The following URGCP variants were observed in gnomAD, a reference collection of about 807,000 sequenced individuals.
URGCP encodes up-regulator of cell proliferation.
In URGCP, 13 loss-of-function variants were observed where a neutral mutation model predicts 24.6. The ratio of observed to expected loss-of-function variants is 0.53; its 90% CI spans 0.34 to 0.84. The LOEUF (loss-of-function observed/expected upper bound fraction) is 0.84, where lower values mean the gene tolerates loss of function less well. Ranked by LOEUF, URGCP falls within the 40% of genes least tolerant of loss-of-function variation. The probability of loss-of-function intolerance (pLI) is 0.01; values close to 1 mark genes in which losing one functional copy is unlikely to be tolerated. For missense variants in URGCP, 899 were observed against 1,194.3 expected (o/e 0.75, Z 3.64); for synonymous variants, 444 against 487.2 (o/e 0.91, Z 1.17).
At chr7:43,915,385 C>T (rs1277378133) in intron 1 of URGCP, among the ~76,000 whole-genome samples, 1 of 152,224 alleles carries the variant, frequency 6.6e-6, no homozygotes, top group Admixed American at 6.5e-5. Flanking sequence ...ACTGCACCCC[C>T]TCACCCCATT....
chr7:43,888,097 G>A (rs1721857530), intron 1 of URGCP: 1 of 361,836 alleles, frequency 2.8e-6, no homozygotes, highest in Admixed American at 4.4e-5. Context: ...TTATCTATAG[G>A]TATATATACA....
Position 43,878,370 on chromosome 7 carries a change from T to A in URGCP, c.1093A>T (p.Ile365Phe). ...AGCAATTTGTATTCCTTCTTACTGA[T>A]ATTGTCAGTCAATATAAACACAGCG... ...SSAVFILTDN[I>F]SKKEYKLLYS... The change falls in exon 6 of 6, where the codon ATC becomes TTC. Residue 365 changes from isoleucine to phenylalanine, a missense_variant. Physicochemically the swap from Ile to Phe is conservative, Grantham distance 21 (BLOSUM62 0). Transcript: ENST00000453200. The surrounding 1 kb of genome is among the most constrained non-coding windows in gnomAD (Gnocchi z 5.6). 1 of 1,614,230 alleles carries A rather than the reference T, an allele frequency of 6.2e-7. No homozygotes were observed. The highest frequency in any genetic ancestry group is 1.7e-5 in the Admixed American group (1 of 60,032).
In URGCP at chr7:43,877,712, T is replaced by C. The variant is rs748860010; in HGVS notation, c.1751A>G (p.Gln584Arg). The change falls in exon 6 of 6, where the codon CAG (glutamine) becomes CGG (arginine). Residue 584 changes from glutamine to arginine, a missense_variant. Coordinates refer to ENST00000453200, the MANE Select transcript of URGCP (RefSeq NM_001077663.3). ...CAGGGTGAGAAGCGTCTCCGGAGGC[T>C]GTCTCAGTCGCGGCTGGGCCACCCG... is the stretch of plus-strand genomic sequence containing the variant. ...LARVAQPRLRQPPETLLTLRP... is the reference protein window; with the variant it reads ...LARVAQPRLRRPPETLLTLRP... 3.1e-6 allele frequency: 5 copies of C among 1,612,838 alleles called. No individual in the cohort carries two copies. Among genetic ancestry groups the C allele is most frequent in the Non-Finnish European group, 4.2e-6 (5 of 1,179,650 alleles).
chr7:43,925,765 G>T (rs529906480), intron 1 of URGCP, among the ~76,000 whole-genome samples: 1 of 147,598 alleles, frequency 6.8e-6, no homozygotes. Context: ...CTCCCAAAGT[G>T]CTGGGATTAT....
intron 1 of URGCP, among the ~76,000 whole-genome samples, chr7:43,896,046 C>A (rs1392362450): frequency 1.3e-5 from 2 of 152,044 alleles, no homozygotes; most frequent in East Asian, 3.9e-4. Context: ...CACAGATGAG[C>A]CTGGAGAACC....
chr7:43,922,096 G>A (rs560444017), intron 1 of URGCP, among the ~76,000 whole-genome samples: 8 of 152,034 alleles, frequency 5.3e-5, no homozygotes, highest in African/African-American at 1.7e-4. Context: ...AGTGGGTCTC[G>A]CACTGTCACC....
intron 1 of URGCP, among the ~76,000 whole-genome samples, chr7:43,913,614 A>C (rs1206087648): frequency 1.3e-5 from 2 of 152,174 alleles, no homozygotes; most frequent in East Asian, 3.8e-4. Context: ...ATCTTATTAA[A>C]GAGCCCTTAA....
In URGCP at chr7:43,887,425, C is replaced by T. The variant is rs907982067; in HGVS notation, c.102G>A (p.Val34=). The part of the protein sequence containing the change: ...EIKASERRTA[V]AIADLEWREM... ...TTCATCCAACTTTACCTGCAATGGC[C>T]ACAGCTGTTCGTCTCTCTGATGCTT... The change falls in exon 3 of 6, where the codon GTG becomes GTA. Residue 34 remains valine (V), a synonymous_variant. Coordinates refer to ENST00000453200, the MANE Select transcript of URGCP (RefSeq NM_001077663.3). The T allele has an allele frequency of 8.1e-6, 13 of 1,613,862 alleles. No homozygotes were observed. The highest frequency in any genetic ancestry group is 1.6e-4 in the Middle Eastern group (1 of 6,062).
intron 1 of URGCP, among the ~76,000 whole-genome samples, chr7:43,898,774 TAAA>T (rs2095883627): frequency 7.7e-6 from 1 of 129,904 alleles, no homozygotes; most frequent in Admixed American, 8.0e-5. Flanking sequence ...AATAAATAAA[TAAA>T]TAAATAAATA....
chr7:43,879,486 A>G (rs912497921), intron 5 of URGCP, among the ~76,000 whole-genome samples: 2 of 152,244 alleles, frequency 1.3e-5, no homozygotes. Flanking sequence ...AACCACAGAT[A>G]TATGTGACAT....
At chr7:43,906,189 G>C (rs949020318) in intron 1 of URGCP, 1 of 152,106 alleles carries the variant, frequency 6.6e-6, no homozygotes, top group East Asian at 1.9e-4. Context: ...TCCGCGGGTT[G>C]CCCCGGGCCG....
At chr7:43,904,593 G>C (rs899096680) in intron 1 of URGCP, among the ~76,000 whole-genome samples, 2 of 152,220 alleles carry the variant, frequency 1.3e-5, no homozygotes, top group African/African-American at 4.8e-5. Context: ...TACCAGGGAA[G>C]CCTGTAGAAG....
chr7:43,896,835 C>A (rs570133211), intron 1 of URGCP, among the ~76,000 whole-genome samples: 1 of 152,164 alleles, frequency 6.6e-6, no homozygotes, highest in Non-Finnish European at 1.5e-5. Flanking sequence ...ACATCTTAAG[C>A]AAAGTTCTCT....
At position 43,876,823 on chromosome 7, in the gene URGCP, G is replaced by A. The variant is rs746563483; in HGVS notation, c.2640C>T (p.Gly880=). Residue 880 remains glycine, a synonymous_variant, in exon 6 of 6, where the codon GGC becomes GGT. Coordinates refer to ENST00000453200, the MANE Select transcript of URGCP (RefSeq NM_001077663.3). ...CCATGGGAGGTGCTCCGTGCCACAG[G>A]CCTGGGATGTGCCAGATGTGCTGCT... The part of the protein sequence containing the change: ...PEKQHIWHIP[G]LWHGAPPMAA... The A allele has an allele frequency of 1.3e-5, 21 of 1,614,186 alleles. No individual in the cohort carries two copies. Among genetic ancestry groups the A allele is most frequent in the Non-Finnish European group, 1.7e-5 (20 of 1,180,038 alleles).
chr7:43,883,334 ATACATATATATATATATATATATATATAT>A (rs1449747856), intron 3 of URGCP, among the ~76,000 whole-genome samples: 122 of 128,320 alleles, frequency 9.5e-4, no homozygotes, highest in African/African-American at 3.9e-3. Context: ...ATATATATAT[ATACATATATATATATATATATATATATAT>A]TTTTTTTTTT....
At chr7:43,910,151 G>C (rs575063300), upstream of URGCP, among the ~76,000 whole-genome samples, 2 of 152,152 alleles carry the variant, frequency 1.3e-5, no homozygotes, top group Non-Finnish European at 2.9e-5. Flanking sequence ...AAGGCAGAAA[G>C]ATCACTTGAG....
chr7:43,900,441 T>A (rs555033378), intron 1 of URGCP, among the ~76,000 whole-genome samples: 10 of 123,772 alleles, frequency 8.1e-5, no homozygotes, highest in African/African-American at 2.3e-4. Flanking sequence ...GGCGACAGAG[T>A]GAGACCCTGC....
intron 1 of URGCP, among the ~76,000 whole-genome samples, chr7:43,916,373 C>A (rs888014409): frequency 2.3e-4 from 35 of 152,262 alleles, no homozygotes; most frequent in African/African-American, 8.4e-4. Flanking sequence ...TGGAGAAGGA[C>A]TCAATTCCAC....
At chr7:43,900,469 CAAAAAAAA>C (rs759728715) in intron 1 of URGCP, among the ~76,000 whole-genome samples, 15 of 114,494 alleles carry the variant, frequency 1.3e-4, no homozygotes, top group South Asian at 2.7e-4. Context: ...AAAACCAAAA[CAAAAAAAA>C]AAAAAAAAAG....
Sources: allele counts gnomAD v4.1 joint callset (sites outside exome capture counted in the v4.1 genomes callset), GRCh38; gene constraint gnomAD v4.1.1; non-coding constraint Gnocchi (gnomAD v3.1); transcripts MANE v1.5; gene names NCBI Gene and HGNC (gene_info 2026-07-23, HGNC 2026-07-21).